The following SERHL2 variants were observed in gnomAD, a reference collection of about 807,000 sequenced individuals.
SERHL2 encodes the protein serine hydrolase like 2.
In SERHL2, 29 loss-of-function variants were observed where a neutral mutation model predicts 25.5. That is an observed-to-expected ratio of 1.14 (90% confidence interval 0.85 to 1.55). SERHL2 has a LOEUF of 1.55. Ranked by LOEUF, SERHL2 falls within the 40% of genes most tolerant of loss-of-function variation. The probability of loss-of-function intolerance (pLI) is 0.00; values close to 1 mark genes in which losing one functional copy is unlikely to be tolerated. For synonymous variants in SERHL2, 95 were observed against 103.5 expected, an observed-to-expected ratio of 0.92 and a Z score of 0.50; for missense variants, 240 against 252.3, an observed-to-expected ratio of 0.95 and a Z score of 0.33.
chr22:42,565,967 C>T (rs1404087316), intron 8 of SERHL2, among the ~76,000 whole-genome samples: 2 of 152,060 alleles, frequency 1.3e-5, no homozygotes, highest in East Asian at 1.9e-4. Context: ...TTTGCTTCTT[C>T]CTAGTGACTA....
chr22:42,567,766 T>C (rs1458263716), intron 9 of SERHL2, among the ~76,000 whole-genome samples: 3 of 151,210 alleles, frequency 2.0e-5, no homozygotes, highest in Admixed American at 6.6e-5. Flanking sequence ...GTCTCGCTCT[T>C]GTTGCAAAGG....
chr22:42,567,695 A>C (rs1923595271), intron 9 of SERHL2, among the ~76,000 whole-genome samples: 1 of 150,692 alleles, frequency 6.6e-6, no homozygotes, highest in Non-Finnish European at 1.5e-5. Context: ...TAAATAAAAA[A>C]AATAAAAGTT....
intron 7 of SERHL2, among the ~76,000 whole-genome samples, 170 bp from the exon 8 acceptor site, chr22:42,560,016 T>C (rs1200284823): frequency 6.6e-6 from 1 of 151,918 alleles, no homozygotes; most frequent in East Asian, 1.9e-4. Flanking sequence ...TTTACCATGT[T>C]GGCCAGGCTG....
In SERHL2 at chr22:42,560,262, A is replaced by G; in HGVS notation, c.610A>G (p.Thr204Ala). 1 of 1,608,108 alleles carries G rather than the reference A, an allele frequency of 6.2e-7. No homozygotes were observed. Residue 204 changes from threonine to alanine, a missense_variant, in exon 8 of 12, where the codon ACA becomes GCA. Thr to Ala is a moderately conservative substitution (Grantham distance 58, BLOSUM62 0). This residue lies in a region of SERHL2 where 212 missense variants were observed against 168.9 expected (regional missense o/e 1.25). Transcript: ENST00000327678. ...LLQRGTTKVA[T>A]GLVLNRDQRL... The stretch of plus-strand genomic sequence containing the variant: ...GCAAAGAGGAACCACGAAGGTGGCC[A>G]CAGGTAAGGGACTCTACTGTCCAAG...
At position 42,573,833 on chromosome 22, in the gene SERHL2, T is replaced by G. The variant is rs1451886208; in HGVS notation, c.826-103T>G. Reference sequence around the variant, plus strand: ...CTCACTGTGGGAGGCGCTCCTGACCTGCAGGGAGCTGGAATGCTGTGGGAG... The same window carrying G: ...CTCACTGTGGGAGGCGCTCCTGACCGGCAGGGAGCTGGAATGCTGTGGGAG... On this transcript the variant is annotated intron_variant, in intron 11 of 11. Transcript: ENST00000327678. 1.9e-5 allele frequency: 21 copies of G among 1,087,042 alleles called. 1 individual carries two copies. Among genetic ancestry groups the G allele is most frequent in the Non-Finnish European group, 2.7e-5 (20 of 741,694 alleles). The allele number at this position is 1,087,042 out of a possible 1,614,324, so 67.3% of individuals were successfully genotyped here. A position where few individuals can be genotyped will look rare whatever the true frequency, so the allele number is the denominator to read the frequency against.
chr22:42,554,280 C>T (rs1302371550), intron 1 of SERHL2, among the ~76,000 whole-genome samples: 3 of 152,024 alleles, frequency 2.0e-5, no homozygotes, highest in Non-Finnish European at 4.4e-5. Context: ...CGAGCGTGCG[C>T]GTGGGTGTCG....
intron 1 of SERHL2, 37 bp downstream of exon 1, chr22:42,554,079 C>T (rs1357260664): frequency 1.2e-6 from 2 of 1,609,828 alleles, no homozygotes; most frequent in South Asian, 1.1e-5. Context: ...GTCCCACTGC[C>T]CACCCACCTG....
At chr22:42,573,150 AG>A (rs1438774525) in intron 11 of SERHL2, 1 of 151,592 alleles carries the variant, frequency 6.6e-6, no homozygotes, top group African/African-American at 2.4e-5. Context: ...GGGCCTCTGC[AG>A]GTTTCTTGGC....
intron 8 of SERHL2, among the ~76,000 whole-genome samples, chr22:42,562,186 A>ACC (rs1040972705): frequency 3.3e-5 from 5 of 151,344 alleles, no homozygotes; most frequent in African/African-American, 9.7e-5. Context: ...CCCAGCCAGA[A>ACC]CCCCCCACCC....
At chr22:42,560,155 AG>A in intron 7 of SERHL2, 30 bp from the exon 8 acceptor site, 1 of 1,565,036 alleles carries the variant, frequency 6.4e-7, no homozygotes, top group Non-Finnish European at 8.8e-7. Flanking sequence ...ATTGGCCTCC[AG>A]GCACCCAGCA....
In SERHL2 at chr22:42,574,002, A is replaced by C; in HGVS notation, c.892A>C (p.Ser298Arg). ...CATGAGCGAACCCCAGCACGTGGCC[A>C]GTATCATCAGCTCCTTCTTACAGTG... ...VHMSEPQHVASIISSFLQCTH... is the reference protein window; with the variant it reads ...VHMSEPQHVARIISSFLQCTH... Residue 298 changes from serine (S) to arginine (R), a missense_variant, in exon 12 of 12, where the codon AGT becomes CGT. Ser to Arg is a moderately radical substitution (Grantham distance 110, BLOSUM62 -1). Transcript: ENST00000327678. 6.3e-7 allele frequency: 1 copy of C among 1,584,528 alleles called. No individual in the cohort carries two copies. Among genetic ancestry groups the C allele is most frequent in the Non-Finnish European group, 8.6e-7 (1 of 1,162,718 alleles).
intron 9 of SERHL2, among the ~76,000 whole-genome samples, chr22:42,568,380 C>T (rs1372148380): frequency 1.3e-5 from 2 of 150,518 alleles, no homozygotes; most frequent in Non-Finnish European, 3.0e-5. Context: ...TCCCTACCCA[C>T]TAAGGCTCAC....
chr22:42,572,306 C>G, intron 10 of SERHL2, 130 bp from the exon 11 acceptor site: 1 of 632,340 alleles, frequency 1.6e-6, no homozygotes, highest in Non-Finnish European at 2.8e-6. Context: ...TCAAGGGACC[C>G]AGCTGTGGGA....
intron 11 of SERHL2, 146 bp downstream of exon 11, chr22:42,572,675 C>T: frequency 7.1e-7 from 1 of 1,416,662 alleles, no homozygotes; most frequent in Non-Finnish European, 9.2e-7. Context: ...GCCTCATGCT[C>T]CACTGTGGTC....
chr22:42,561,647 C>G (rs1008795552), intron 8 of SERHL2, among the ~76,000 whole-genome samples: 3 of 151,750 alleles, frequency 2.0e-5, no homozygotes, highest in Non-Finnish European at 2.9e-5. Flanking sequence ...ACCAGTTGCT[C>G]AGCTCTGCAG....
At chr22:42,556,664 T>C (rs2146669622) in intron 6 of SERHL2, 76 bp downstream of exon 6, 1 of 1,238,950 alleles carries the variant, frequency 8.1e-7, no homozygotes, top group East Asian at 2.9e-5. Context: ...CCCTGTCTCC[T>C]TTGGTGGACA....
At chr22:42,567,402 C>A (rs140901454) in intron 9 of SERHL2, among the ~76,000 whole-genome samples, 1 of 151,842 alleles carries the variant, frequency 6.6e-6, no homozygotes, top group Non-Finnish European at 1.5e-5. Flanking sequence ...CGGTGGCTCA[C>A]GCCTGTAGTC....
chr22:42,561,219 G>C (rs1240937219), intron 8 of SERHL2, among the ~76,000 whole-genome samples: 1 of 151,980 alleles, frequency 6.6e-6, no homozygotes, highest in African/African-American at 2.4e-5. Context: ...CCAGGAAGCA[G>C]CTCTCCCAGG....
chr22:42,572,741 G>A, intron 11 of SERHL2: 1 of 984,428 alleles, frequency 1.0e-6, no homozygotes, highest in Non-Finnish European at 1.2e-6. Context: ...AGAGACCTTT[G>A]GTGGGGAACC....
Sources: gnomAD v4.1 joint callset for allele counts (sites outside exome capture counted in the v4.1 genomes callset) on GRCh38, gnomAD v4.1.1 for gene constraint, gnomAD v4.1.1 regional missense constraint, MANE v1.5 for transcripts, NCBI Gene and HGNC (gene_info 2026-07-23, HGNC 2026-07-21) for gene names.